Variants in UBAC2 observed in about 807,000 individuals in gnomAD.
The protein encoded by UBAC2 is UBA domain containing 2.
A neutral mutation model predicts 44.0 loss-of-function variants in UBAC2; 26 were observed. The observed-to-expected ratio is 0.59, with a 90% CI of 0.43 to 0.82. The LOEUF is 0.82. Ranked by LOEUF, UBAC2 falls within the 40% of genes least tolerant of loss-of-function variation. UBAC2 has a pLI of 0.00. For missense variants in UBAC2, 329 were observed against 419.4 expected (o/e 0.78, Z 1.88); for synonymous variants, 155 against 154.3 (o/e 1.00, Z -0.04).
intron 4 of UBAC2, among the ~76,000 whole-genome samples, chr13:99,309,115 CCTT>C (rs932966547): frequency 6.6e-6 from 1 of 151,906 alleles, no homozygotes; most frequent in Non-Finnish European, 1.5e-5. Flanking sequence ...GTCCTCCCAA[CCTT>C]CTTTTTTTTT....
intron 6 of UBAC2, among the ~76,000 whole-genome samples, chr13:99,337,478 T>C (rs952523796): frequency 6.6e-6 from 1 of 152,224 alleles, no homozygotes; most frequent in Non-Finnish European, 1.5e-5. Flanking sequence ...CCCTGGTTGC[T>C]TTTAAGGATT....
chr13:99,248,445 G>T (rs1231048837), intron 4 of UBAC2, among the ~76,000 whole-genome samples: 1 of 148,176 alleles, frequency 6.7e-6, no homozygotes, highest in Non-Finnish European at 1.5e-5. Context: ...AGGCTGCAGT[G>T]CAATGGCGTG....
intron 4 of UBAC2, among the ~76,000 whole-genome samples, chr13:99,284,718 A>C (rs764452278): frequency 6.6e-6 from 1 of 152,224 alleles, no homozygotes; most frequent in Non-Finnish European, 1.5e-5. Flanking sequence ...TCATTGGTAC[A>C]TCCCCTTACT....
intron 4 of UBAC2, among the ~76,000 whole-genome samples, chr13:99,247,195 G>GT (rs397947831): frequency 0.28 from 26,460 of 95,108 alleles, 2,647 homozygotes; most frequent in South Asian, 0.46. Context: ...GAAAACTACT[G>GT]TTTTTTTTTT....
chr13:99,355,358 A>G (rs973786694), intron 7 of UBAC2, among the ~76,000 whole-genome samples: 1 of 152,208 alleles, frequency 6.6e-6, no homozygotes, highest in African/African-American at 2.4e-5. Flanking sequence ...TATGTCTTCA[A>G]GGCCACTGTC....
chr13:99,243,776 A>G (rs2043348754), intron 2 of UBAC2, 56 bp from the exon 3 acceptor site: 1 of 1,516,150 alleles, frequency 6.6e-7, no homozygotes, highest in Middle Eastern at 1.7e-4. Context: ...TTGCTAAGGA[A>G]GAGACCCGAA....
At chr13:99,354,383 A>G (rs1343478821) in intron 7 of UBAC2, among the ~76,000 whole-genome samples, 1 of 152,250 alleles carries the variant, frequency 6.6e-6, no homozygotes, top group Admixed American at 6.5e-5. Flanking sequence ...GATTGGGAAG[A>G]GACAGCTCAT....
At chr13:99,311,442 T>C (rs1458179003) in intron 4 of UBAC2, among the ~76,000 whole-genome samples, 1 of 152,230 alleles carries the variant, frequency 6.6e-6, no homozygotes, top group Non-Finnish European at 1.5e-5. Context: ...GGAAGATTTA[T>C]GCCCAGGAGT....
chr13:99,215,700 C>T (rs1424787527), intron 1 of UBAC2: 33 of 1,499,366 alleles, frequency 2.2e-5, no homozygotes, highest in Admixed American at 4.5e-5. Flanking sequence ...TCTCTGCGAG[C>T]GGGAAACCGC....
chr13:99,348,072 C>CTACTTGCAG (rs1472975458), intron 7 of UBAC2, among the ~76,000 whole-genome samples: 1 of 152,188 alleles, frequency 6.6e-6, no homozygotes, highest in Non-Finnish European at 1.5e-5. Flanking sequence ...AGTCATTTTG[C>CTACTTGCAG]TACTTGCAGC....
intron 6 of UBAC2, among the ~76,000 whole-genome samples, chr13:99,338,177 C>T (rs2044829058): frequency 6.7e-6 from 1 of 150,268 alleles, no homozygotes; most frequent in Admixed American, 6.7e-5. Flanking sequence ...TGTGCTTCAG[C>T]CTCCTGAGTA....
intron 4 of UBAC2, among the ~76,000 whole-genome samples, chr13:99,266,873 A>G (rs1300830788): frequency 6.6e-6 from 1 of 152,164 alleles, no homozygotes; most frequent in East Asian, 1.9e-4. Flanking sequence ...CTTTTGGGTT[A>G]TATCCCTGAA....
intron 5 of UBAC2, among the ~76,000 whole-genome samples, chr13:99,315,522 G>T (rs1011744281): frequency 6.6e-6 from 1 of 152,196 alleles, no homozygotes; most frequent in Admixed American, 6.5e-5. Flanking sequence ...TAGGAGTTCA[G>T]TGTGGCATTG....
chr13:99,270,985 T>C (rs1200700401), intron 4 of UBAC2, among the ~76,000 whole-genome samples: 1 of 152,208 alleles, frequency 6.6e-6, no homozygotes, highest in African/African-American at 2.4e-5. Context: ...TCCCCAATCT[T>C]TTTGCATTCT....
chr13:99,301,141 C>T (rs2044251300), intron 4 of UBAC2, among the ~76,000 whole-genome samples: 1 of 152,172 alleles, frequency 6.6e-6, no homozygotes, highest in African/African-American at 2.4e-5. Flanking sequence ...AAAAGATGCA[C>T]GTGGCCCCTC....
chr13:99,373,948 A>G (rs976254226), intron 8 of UBAC2, among the ~76,000 whole-genome samples: 5 of 152,356 alleles, frequency 3.3e-5, no homozygotes, highest in African/African-American at 1.2e-4. Context: ...AGGCCCAGGA[A>G]ACATGGTGCA....
chr13:99,273,044 ATTC>A (rs1470362299), intron 4 of UBAC2, among the ~76,000 whole-genome samples: 1 of 149,302 alleles, frequency 6.7e-6, no homozygotes, highest in Non-Finnish European at 1.5e-5. Context: ...TAACCTAACT[ATTC>A]TTCTGTATAA....
chr13:99,318,821 C>CAAAAA (rs397851352), intron 6 of UBAC2, among the ~76,000 whole-genome samples: 3 of 69,874 alleles, frequency 4.3e-5, no homozygotes, highest in Admixed American at 3.4e-4. Flanking sequence ...GACTCCATCT[C>CAAAAA]AAAAAAAAAA....
At chr13:99,284,863 A>C (rs944923046) in intron 4 of UBAC2, among the ~76,000 whole-genome samples, 5 of 152,210 alleles carry the variant, frequency 3.3e-5, no homozygotes, top group Admixed American at 6.5e-5. Flanking sequence ...GAAGCAGTAG[A>C]TGAAAATAAT....
Sources: allele counts gnomAD v4.1 joint callset (sites outside exome capture counted in the v4.1 genomes callset), GRCh38; gene constraint gnomAD v4.1.1; transcripts MANE v1.5; gene names NCBI Gene and HGNC (gene_info 2026-07-23, HGNC 2026-07-21).